The following ABCC1 variants were observed in gnomAD, a reference collection of about 807,000 sequenced individuals.
The protein encoded by ABCC1 is ATP binding cassette subfamily C member 1 (ABCC1 blood group).
In ABCC1, 83 loss-of-function variants were observed where a neutral mutation model predicts 172.9. That is an observed-to-expected ratio of 0.48 (90% CI 0.40 to 0.58). The LOEUF (loss-of-function observed/expected upper bound fraction) is 0.58. Ranked by LOEUF, ABCC1 falls within the 20% of genes least tolerant of loss-of-function variation. ABCC1 has a pLI of 0.00. For synonymous variants in ABCC1, 937 were observed against 825.2 expected (o/e 1.14, Z -2.32); for missense variants, 1,817 against 2,002.7 (o/e 0.91, Z 1.77).
chr16:15,961,966 C>G lies in ABCC1; in HGVS notation c.48+12167C>G, dbSNP rs114774580. ...TGATTCAGCAGAATAAATTTTCCCA[C>G]AGGAAATTGCTAGGTTGACAGTATG... On this transcript the variant is annotated intron_variant, in intron 1 of 30. Transcript: ENST00000399410. Among the ~76,000 whole-genome samples the G allele has an allele frequency of 3.9e-5, 6 of 152,226 alleles. 1 individual carries two copies. The South Asian group carries it at 1.2e-3, about 32-fold the overall frequency.
chr16:16,121,186 GTT>G (rs940079895), intron 23 of ABCC1, among the ~76,000 whole-genome samples: 27 of 152,186 alleles, frequency 1.8e-4, no homozygotes, highest in African/African-American at 6.3e-4. Flanking sequence ...AGCAAGCTTT[GTT>G]TTGTTTCGTT....
At chr16:16,137,840 A>G (rs2045974478) in intron 29 of ABCC1, among the ~76,000 whole-genome samples, 1 of 151,190 alleles carries the variant, frequency 6.6e-6, no homozygotes, top group African/African-American at 2.4e-5. Flanking sequence ...GGTGTGAGCC[A>G]CTGTGCCCGG....
chr16:15,962,231 T>G (rs1010429955), intron 1 of ABCC1, among the ~76,000 whole-genome samples: 1 of 152,230 alleles, frequency 6.6e-6, no homozygotes, highest in Admixed American at 6.5e-5. Context: ...TTTGGTTTTG[T>G]TCAGTTTTTT....
At chr16:16,083,565 C>T (rs2050889047) in intron 17 of ABCC1, 23 bp downstream of exon 17, 2 of 1,592,592 alleles carry the variant, frequency 1.3e-6, no homozygotes, top group South Asian at 1.1e-5. Flanking sequence ...TGGATGTTGG[C>T]CCCTGAATCA....
intron 13 of ABCC1, 80 bp downstream of exon 13, chr16:16,068,382 G>T (rs1398843135): frequency 1.0e-5 from 16 of 1,532,692 alleles, no homozygotes; most frequent in Non-Finnish European, 1.4e-5. Context: ...GCCCCCGAGC[G>T]CAGCCTCTAG....
rs1047542337 is a variant in ABCC1 at position 16,046,153 on chromosome 16, T to A, written c.1218+140T>A. ...TGAGGGTAGCTTCCGTGACCTTAGGTGGCAGGGACAGCACGCATCAGGCAT... is the reference window on the plus strand; with the variant it reads ...TGAGGGTAGCTTCCGTGACCTTAGGAGGCAGGGACAGCACGCATCAGGCAT... On this transcript the variant is annotated intron_variant, in intron 9 of 30. Transcript: ENST00000399410. The A allele has an allele frequency of 3.3e-6, 3 of 919,984 alleles. No individual in the cohort carries two copies. In the African/African-American group the frequency reaches 5.0e-5, roughly 15 times the overall value. 57.0% of individuals were successfully genotyped at this position (919,984 alleles called of 1,614,324 possible). A position where few individuals can be genotyped will look rare whatever the true frequency, so the allele number is the denominator to read the frequency against.
At position 16,035,344 on chromosome 16, in the gene ABCC1, C is replaced by T. The variant is rs45514796; in HGVS notation, c.678-1128C>T. Among the ~76,000 whole-genome samples, 841 of 152,180 alleles carry T rather than the reference C, an allele frequency of 5.5e-3. 9 individuals are homozygous for T. The highest frequency in any genetic ancestry group is 0.019 in the African/African-American group (807 of 41,528). ...TACAGGAGGCAGAGGTTGCAGTGCA[C>T]TGAGATGGCGCCATTACACTCCAGC... On this transcript the variant is annotated intron_variant, in intron 6 of 30. Transcript: ENST00000399410.
chr16:16,032,907 T>C (rs924138), intron 5 of ABCC1, among the ~76,000 whole-genome samples: 80,266 of 151,746 alleles, frequency 0.53, 21,784 homozygotes, highest in Non-Finnish European at 0.6. Context: ...ACTCCGTTGA[T>C]TGAAACTGGA....
rs757045428 is a variant in ABCC1 at position 16,079,361 on chromosome 16, C to G, written c.1998C>G (p.Phe666Leu). ...SDPPTLNGIT[F>L]SIPEGALVAV... The stretch of plus-strand genomic sequence containing the variant: ...TGTTGTGTCGTTTCAGCATCACCTT[C>G]TCCATCCCCGAAGGTGCTTTGGTGG... The change falls in exon 16 of 31, where the codon TTC becomes TTG. Residue 666 changes from phenylalanine to leucine, a missense_variant. By Grantham distance (22) the Phe-to-Leu change is conservative. Around this residue, in one of 3 missense-constraint regions of ABCC1, gnomAD observed 1,412 missense variants for 1,600.3 expected, o/e 0.88. Coordinates refer to ENST00000399410, the MANE Select transcript of ABCC1 (RefSeq NM_004996.4). 1.2e-6 allele frequency: 2 copies of G among 1,613,958 alleles called. No individual in the cohort carries two copies. Among genetic ancestry groups the G allele is most frequent in the Non-Finnish European group, 1.7e-6 (2 of 1,179,978 alleles).
intron 1 of ABCC1, among the ~76,000 whole-genome samples, chr16:15,964,623 C>T (rs1262277554): frequency 2.0e-5 from 3 of 150,786 alleles, no homozygotes; most frequent in African/African-American, 7.3e-5. Context: ...ATTTAAATAA[C>T]ATTTAAATCA....
intron 19 of ABCC1, among the ~76,000 whole-genome samples, chr16:16,093,181 T>C (rs2051321650): frequency 6.6e-6 from 1 of 151,984 alleles, no homozygotes; most frequent in Admixed American, 6.6e-5. Flanking sequence ...GAGCAATGCA[T>C]TGTGGCAACT....
chr16:16,137,462 T>G (rs779901746), intron 29 of ABCC1, among the ~76,000 whole-genome samples: 1 of 151,744 alleles, frequency 6.6e-6, no homozygotes, highest in Admixed American at 6.6e-5. Context: ...TGGTGTCCCA[T>G]TGGCCAAAGC....
At chr16:15,990,122 T>A (rs777200232) in intron 1 of ABCC1, among the ~76,000 whole-genome samples, 1 of 152,068 alleles carries the variant, frequency 6.6e-6, no homozygotes, top group Non-Finnish European at 1.5e-5. Flanking sequence ...TGGTGCGATC[T>A]CAGCTCACTG....
intron 1 of ABCC1, among the ~76,000 whole-genome samples, chr16:15,978,123 A>C (rs981711179): frequency 6.6e-6 from 1 of 152,152 alleles, no homozygotes; most frequent in African/African-American, 2.4e-5. Context: ...TAATCCCAGC[A>C]CTTTGGGAGG....
At chr16:16,103,300 C>T (rs1164003046) in intron 20 of ABCC1, among the ~76,000 whole-genome samples, 3 of 152,178 alleles carry the variant, frequency 2.0e-5, no homozygotes, top group African/African-American at 4.8e-5. Flanking sequence ...GCTAAGTCGG[C>T]CAGGCAGGGT....
At chr16:16,060,194 G>A (rs1038354915) in intron 12 of ABCC1, among the ~76,000 whole-genome samples, 1 of 149,474 alleles carries the variant, frequency 6.7e-6, no homozygotes, top group Non-Finnish European at 1.5e-5. Flanking sequence ...ATCTCACCTC[G>A]CTGGCTCTAG....
rs979545289 is a variant in ABCC1, at chr16:16,114,455, C to T, written c.3080-311C>T. On this transcript the variant is annotated intron_variant, in intron 22 of 30. Coordinates refer to ENST00000399410, the MANE Select transcript of ABCC1 (RefSeq NM_004996.4). ...TCCCGGATTCAAGCAATTCCCTTGC[C>T]TCAGCCTCCCGAGTAGCTGGGATTA... is the stretch of plus-strand genomic sequence containing the variant. 4.6e-5 allele frequency among the ~76,000 whole-genome samples: 7 copies of T among 152,050 alleles called. No homozygotes were observed. The South Asian group carries it at 1.2e-3, about 27-fold the overall frequency.
intron 15 of ABCC1, among the ~76,000 whole-genome samples, chr16:16,078,579 A>G (rs529547336): frequency 2.0e-5 from 3 of 152,210 alleles, no homozygotes; most frequent in African/African-American, 7.2e-5. Flanking sequence ...GTGCCATCGC[A>G]TCCCTGGTTA....
intron 21 of ABCC1, among the ~76,000 whole-genome samples, chr16:16,110,993 T>C (rs2052362158): frequency 6.6e-6 from 1 of 152,140 alleles, no homozygotes; most frequent in African/African-American, 2.4e-5. Context: ...TACCTCTGCC[T>C]CCTGGGTTCG....
Sources: allele counts gnomAD v4.1 joint callset (sites outside exome capture counted in the v4.1 genomes callset), GRCh38; gene constraint gnomAD v4.1.1; regional missense constraint gnomAD v4.1.1; transcripts MANE v1.5; gene names NCBI Gene and HGNC (gene_info 2026-07-23, HGNC 2026-07-21).